Variants in DNAH14 observed in about 807,000 individuals in gnomAD.
The protein encoded by DNAH14 is dynein axonemal heavy chain 14.
In DNAH14, 478 loss-of-function variants were observed where a neutral mutation model predicts 520.9. That is an observed-to-expected ratio of 0.92 (90% CI 0.85 to 0.99). DNAH14 has a LOEUF of 0.99. Ranked by LOEUF, DNAH14 falls within the 50% of genes least tolerant of loss-of-function variation. The pLI, the probability that DNAH14 is intolerant of heterozygous loss-of-function variation, is 0.00. For missense variants in DNAH14, 4,831 were observed against 5,234.5 expected, an observed-to-expected ratio of 0.92 and a Z score of 2.38; for synonymous variants, 1,581 against 1,757.2, an observed-to-expected ratio of 0.90 and a Z score of 2.51.
In DNAH14 at chr1:225,392,430, C is replaced by T. The variant is rs1015922987; in HGVS notation, c.13470C>T (p.Asn4490=). The T allele has an allele frequency of 5.2e-6, 8 of 1,551,754 alleles. No individual in the cohort carries two copies. The African/African-American group carries it at 1.1e-4, about 21-fold the overall frequency. ...KFSVFMPKKL[N]IVRRAFKGSA... is the part of the protein sequence containing the mutation. The stretch of plus-strand genomic sequence containing the variant: ...CCGTATTTATGCCAAAGAAACTCAA[C>T]ATAGTCAGGAGAGCGTTTAAGGTAC... Residue 4490 remains asparagine (N), a synonymous_variant, in exon 84 of 86, where the codon AAC becomes AAT. Transcript: ENST00000682510.
intron 9 of DNAH14, among the ~76,000 whole-genome samples, chr1:225,004,625 T>C (rs934118961): frequency 1.4e-4 from 22 of 152,266 alleles, no homozygotes; most frequent in African/African-American, 5.3e-4. Context: ...GTGGTGATTG[T>C]TATGAGGGCA....
chr1:225,122,214 A>C (rs1479203901), intron 26 of DNAH14, among the ~76,000 whole-genome samples: 1 of 152,162 alleles, frequency 6.6e-6, no homozygotes, highest in East Asian at 1.9e-4. Flanking sequence ...TGATGGTACT[A>C]GTTTTTCTAA....
chr1:224,961,518 G>T (rs1242567667), intron 4 of DNAH14, among the ~76,000 whole-genome samples: 3 of 152,152 alleles, frequency 2.0e-5, no homozygotes, highest in African/African-American at 4.8e-5. Context: ...CAAAGGAGAA[G>T]CAGGCACCTT....
chr1:225,158,189 C>T (rs1260740939), intron 34 of DNAH14, among the ~76,000 whole-genome samples: 1 of 151,708 alleles, frequency 6.6e-6, no homozygotes, highest in Non-Finnish European at 1.5e-5. Flanking sequence ...ACAATATATA[C>T]TGTAGTGTTT....
chr1:225,328,850 CA>C (rs1202319280), intron 64 of DNAH14, among the ~76,000 whole-genome samples: 2 of 152,044 alleles, frequency 1.3e-5, no homozygotes, highest in Non-Finnish European at 2.9e-5. Context: ...AGCAAGCAGA[CA>C]AAAACAACAT....
At chr1:225,316,781 A>G (rs964670722) in intron 60 of DNAH14, among the ~76,000 whole-genome samples, 2 of 152,266 alleles carry the variant, frequency 1.3e-5, no homozygotes, top group South Asian at 4.2e-4. Context: ...GCTGCAGACC[A>G]GAGCTGTTCC....
chr1:224,983,305 CT>C (rs1211171314), intron 8 of DNAH14, among the ~76,000 whole-genome samples: 1 of 152,052 alleles, frequency 6.6e-6, no homozygotes, highest in Non-Finnish European at 1.5e-5. Flanking sequence ...CGTGAAATGC[CT>C]TTTTCCACCC....
chr1:225,249,166 A>G (rs541619290), intron 43 of DNAH14, among the ~76,000 whole-genome samples: 12 of 152,356 alleles, frequency 7.9e-5, no homozygotes, highest in South Asian at 2.1e-4. Flanking sequence ...GCAGATATCA[A>G]TGACATCCTC....
At chr1:225,106,165 T>C (rs973368863) in intron 23 of DNAH14, among the ~76,000 whole-genome samples, 1 of 150,796 alleles carries the variant, frequency 6.6e-6, no homozygotes, top group African/African-American at 2.5e-5. Context: ...GGATATGAAA[T>C]TCTAGGTTGA....
chr1:225,336,053 A>ATACATG (rs1553337808), intron 66 of DNAH14, among the ~76,000 whole-genome samples: 1 of 141,940 alleles, frequency 7.0e-6, no homozygotes, highest in African/African-American at 2.7e-5. Flanking sequence ...ATGCATATAT[A>ATACATG]CATATATGTA....
At chr1:225,170,329 T>G (rs2149217790) in intron 36 of DNAH14, among the ~76,000 whole-genome samples, 1 of 152,212 alleles carries the variant, frequency 6.6e-6, no homozygotes, top group South Asian at 2.1e-4. Flanking sequence ...ACTGGCAAAT[T>G]GGATAAAGAG....
intron 36 of DNAH14, among the ~76,000 whole-genome samples, chr1:225,181,935 C>T (rs1311696792): frequency 6.6e-6 from 1 of 152,216 alleles, no homozygotes; most frequent in Non-Finnish European, 1.5e-5. Flanking sequence ...GCCTGAAACC[C>T]CAGCACTTGG....
Position 225,160,423 on chromosome 1 carries a change from A to G in DNAH14, c.5445+938A>G, listed in dbSNP as rs1010438093. On this transcript the variant is annotated intron_variant, in intron 35 of 85. Coordinates refer to ENST00000682510, the MANE Select transcript of DNAH14 (RefSeq NM_001367479.1). Reference sequence around the variant, plus strand: ...TTTATACACAACAAGCACAGAATTCATATTATTTCTGAGCACACATGAAAA... The same window carrying G: ...TTTATACACAACAAGCACAGAATTCGTATTATTTCTGAGCACACATGAAAA... Among the ~76,000 whole-genome samples the G allele has an allele frequency of 3.3e-5, 5 of 152,326 alleles. No homozygotes were observed. In the South Asian group the frequency reaches 8.3e-4, roughly 25 times the overall value.
intron 36 of DNAH14, among the ~76,000 whole-genome samples, chr1:225,172,556 G>A (rs1372841253): frequency 1.3e-5 from 2 of 152,112 alleles, no homozygotes; most frequent in South Asian, 4.1e-4. Context: ...CAACTTACAA[G>A]GGATATGAAG....
At position 225,163,282 on chromosome 1, in the gene DNAH14, A is replaced by G. The variant is rs1400015047; in HGVS notation, c.5445+3797A>G. Reference sequence around the variant, plus strand: ...GTAGCGTCTCCAAGTTTTTCCAAATATAAGATCATATCATCTGCAAGCAAT... The same window carrying G: ...GTAGCGTCTCCAAGTTTTTCCAAATGTAAGATCATATCATCTGCAAGCAAT... On this transcript the variant is annotated intron_variant, in intron 35 of 85. Transcript: ENST00000682510. 2.6e-5 allele frequency among the ~76,000 whole-genome samples: 4 copies of G among 152,126 alleles called. 1 individual carries two copies. In the South Asian group the frequency reaches 6.2e-4, roughly 24 times the overall value.
chr1:225,179,987 A>G (rs2083780405), intron 36 of DNAH14, among the ~76,000 whole-genome samples: 1 of 151,984 alleles, frequency 6.6e-6, no homozygotes, highest in South Asian at 2.1e-4. Context: ...TGCCAGATGT[A>G]TCAGAACCCC....
At chr1:225,032,188 C>T (rs1198559948) in intron 11 of DNAH14, among the ~76,000 whole-genome samples, 1 of 151,874 alleles carries the variant, frequency 6.6e-6, no homozygotes, top group Non-Finnish European at 1.5e-5. Context: ...AAGTATTAAG[C>T]TCAATACCCA....
At chr1:225,065,591 A>G (rs1226027218) in intron 17 of DNAH14, among the ~76,000 whole-genome samples, 2 of 152,028 alleles carry the variant, frequency 1.3e-5, no homozygotes, top group Non-Finnish European at 2.9e-5. Context: ...GAGATACTAC[A>G]TGTAATTGAG....
At chr1:225,335,308 C>T (rs568676168) in intron 66 of DNAH14, among the ~76,000 whole-genome samples, 4,959 of 82,890 alleles carry the variant, frequency 0.06, 534 homozygotes, top group East Asian at 0.11. Context: ...CATGTGTACA[C>T]GTGTGTATAT....
Sources: gnomAD v4.1 joint callset for allele counts (sites outside exome capture counted in the v4.1 genomes callset) on GRCh38, gnomAD v4.1.1 for gene constraint, MANE v1.5 for transcripts, NCBI Gene and HGNC (gene_info 2026-07-23, HGNC 2026-07-21) for gene names.